FHIT: variants seen among roughly 807,000 people sequenced by gnomAD.
FHIT encodes bis(5'-adenosyl)-triphosphatase.
In FHIT, 19 loss-of-function variants were observed where a neutral mutation model predicts 17.9. The ratio of observed to expected loss-of-function variants is 1.06; its 90% CI spans 0.74 to 1.56. The LOEUF (loss-of-function observed/expected upper bound fraction) is 1.56. FHIT is among the 40% of genes most tolerant of loss of function. The pLI is 0.00. For missense variants in FHIT, 248 were observed against 189.2 expected (o/e 1.31, Z -1.82); for synonymous variants, 81 against 69.7 (o/e 1.16, Z -0.81).
chr3:60,190,684 C>T (rs1368039763), intron 5 of FHIT, among the ~76,000 whole-genome samples: 1 of 151,966 alleles, frequency 6.6e-6, no homozygotes, highest in Non-Finnish European at 1.5e-5. Flanking sequence ...TTAATGGGTG[C>T]AGCACACCAG....
At chr3:60,242,834 T>C (rs913533567) in intron 5 of FHIT, among the ~76,000 whole-genome samples, 1 of 151,906 alleles carries the variant, frequency 6.6e-6, no homozygotes, top group Admixed American at 6.6e-5. Flanking sequence ...CATATGTTCA[T>C]ATATATATAT....
At chr3:60,797,646 T>C (rs1553730830) in intron 4 of FHIT, among the ~76,000 whole-genome samples, 11 of 150,876 alleles carry the variant, frequency 7.3e-5, no homozygotes. Flanking sequence ...GATGCTATCT[T>C]TAAATTTAGG....
intron 5 of FHIT, among the ~76,000 whole-genome samples, chr3:60,150,653 C>G (rs1700426585): frequency 1.3e-5 from 2 of 152,188 alleles, no homozygotes; most frequent in African/African-American, 4.8e-5. Context: ...TGCAGTCGCT[C>G]ACACCTGCAA....
At position 60,182,067 on chromosome 3, in the gene FHIT, T is replaced by G. The variant is rs1054609840; in HGVS notation, c.104-167915A>C. ...CTTTCTGAAAAAGGGGCAGAGGGTTTTCAGAACGATATGAGATAACTTCTA... is the reference window on the plus strand; with the variant it reads ...CTTTCTGAAAAAGGGGCAGAGGGTTGTCAGAACGATATGAGATAACTTCTA... On this transcript the variant is annotated intron_variant, in intron 5 of 9. Transcript: ENST00000492590. 3.9e-5 allele frequency among the ~76,000 whole-genome samples: 6 copies of G among 152,288 alleles called. No individual in the cohort carries two copies. The South Asian group carries it at 1.0e-3, about 26-fold the overall frequency.
At chr3:60,808,175 A>G (rs1553734933) in intron 4 of FHIT, among the ~76,000 whole-genome samples, 1 of 152,236 alleles carries the variant, frequency 6.6e-6, no homozygotes, top group Admixed American at 6.5e-5. Context: ...TCTGATGCTC[A>G]TTAATAGTCC....
chr3:61,170,502 T>G (rs2037971481), intron 2 of FHIT, among the ~76,000 whole-genome samples: 1 of 152,142 alleles, frequency 6.6e-6, no homozygotes, highest in Admixed American at 6.5e-5. Flanking sequence ...CCATTAGTTA[T>G]TTTTCCTGAT....
chr3:61,245,318 C>T (rs2040463673), intron 1 of FHIT, among the ~76,000 whole-genome samples: 1 of 152,150 alleles, frequency 6.6e-6, no homozygotes, highest in South Asian at 2.1e-4. Flanking sequence ...AATTGAGGCT[C>T]AGAGAGATTT....
chr3:59,864,532 T>G (rs1702548815), intron 8 of FHIT, among the ~76,000 whole-genome samples: 1 of 151,872 alleles, frequency 6.6e-6, no homozygotes, highest in Non-Finnish European at 1.5e-5. Context: ...GAAATATACT[T>G]GTATTGTTTA....
At chr3:60,912,821 T>G in intron 3 of FHIT, 1 of 511,242 alleles carries the variant, frequency 2.0e-6, no homozygotes, top group South Asian at 1.4e-5. Flanking sequence ...TTATTGCTCT[T>G]TTTTAAAAAG....
At chr3:60,574,774 C>A (rs567408965) in intron 4 of FHIT, among the ~76,000 whole-genome samples, 1 of 152,026 alleles carries the variant, frequency 6.6e-6, no homozygotes, top group Non-Finnish European at 1.5e-5. Flanking sequence ...CTGCTCATCT[C>A]CTTTCAGTCC....
intron 5 of FHIT, among the ~76,000 whole-genome samples, chr3:60,471,899 A>G (rs1206046618): frequency 6.6e-6 from 1 of 152,192 alleles, no homozygotes; most frequent in Non-Finnish European, 1.5e-5. Context: ...TAAGATGAAC[A>G]GAGTCATATT....
intron 4 of FHIT, among the ~76,000 whole-genome samples, chr3:60,700,545 T>G (rs1180521415): frequency 6.6e-6 from 1 of 151,838 alleles, no homozygotes; most frequent in African/African-American, 2.4e-5. Context: ...TTGTCTTGAT[T>G]TTTTTTTGCC....
chr3:60,522,960 G>A (rs2107569765), intron 5 of FHIT, among the ~76,000 whole-genome samples: 1 of 152,242 alleles, frequency 6.6e-6, no homozygotes, highest in African/African-American at 2.4e-5. Flanking sequence ...TGGCTGGGGA[G>A]GCCTCACAAT....
rs1375701017 is a variant in FHIT, at chr3:60,247,959, G to A, written c.104-233807C>T. ...TACAAGTAATTTTTTAAATCGATAA[G>A]CACATGGAGCCTTCGAGGAGAAAAC... On this transcript the variant is annotated intron_variant, in intron 5 of 9. Transcript: ENST00000492590. 2.6e-5 allele frequency among the ~76,000 whole-genome samples: 4 copies of A among 152,154 alleles called. No homozygotes were observed. In the East Asian group the frequency reaches 7.7e-4, roughly 29 times the overall value.
intron 3 of FHIT, among the ~76,000 whole-genome samples, chr3:61,036,999 C>A (rs1216682466): frequency 6.6e-6 from 1 of 151,558 alleles, no homozygotes; most frequent in Non-Finnish European, 1.5e-5. Context: ...GCAAGCTCCG[C>A]CTCCCGAGTT....
intron 8 of FHIT, among the ~76,000 whole-genome samples, chr3:59,771,903 C>CAT (rs1702089627): frequency 6.6e-6 from 1 of 152,146 alleles, no homozygotes; most frequent in Non-Finnish European, 1.5e-5. Context: ...CACATAAATG[C>CAT]ATACACTTTA....
intron 3 of FHIT, among the ~76,000 whole-genome samples, chr3:60,873,875 G>A (rs2107083805): frequency 6.6e-6 from 1 of 152,276 alleles, no homozygotes; most frequent in South Asian, 2.1e-4. Context: ...AAGTGCAACA[G>A]CAAGGTAAAC....
At chr3:60,807,028 A>G (rs1458438190) in intron 4 of FHIT, among the ~76,000 whole-genome samples, 1 of 152,232 alleles carries the variant, frequency 6.6e-6, no homozygotes, top group Non-Finnish European at 1.5e-5. Context: ...AGAGGCTATT[A>G]GCGCCACTTC....
At chr3:60,368,808 T>C (rs139410983) in intron 5 of FHIT, among the ~76,000 whole-genome samples, 150 of 152,298 alleles carry the variant, frequency 9.8e-4, no homozygotes, top group African/African-American at 3.1e-3. Context: ...TTTGCATTTA[T>C]ATTTAAGTGT....
Sources: allele counts gnomAD v4.1 joint callset (sites outside exome capture counted in the v4.1 genomes callset), GRCh38; gene constraint gnomAD v4.1.1; transcripts MANE v1.5; gene names NCBI Gene and HGNC (gene_info 2026-07-23, HGNC 2026-07-21).